NSMF: variants seen among roughly 807,000 people sequenced by gnomAD.
NSMF encodes the protein nasal embryonic LHRH factor.
NSMF carries 31 observed loss-of-function variants against 71.0 expected under a neutral mutation model. That is an observed-to-expected ratio of 0.44 (90% CI 0.33 to 0.59). NSMF has a LOEUF of 0.59. Ranked by LOEUF, NSMF falls within the 20% of genes least tolerant of loss-of-function variation. The pLI, the probability that NSMF is intolerant of heterozygous loss-of-function variation, is 0.04. For synonymous variants in NSMF, 345 were observed against 287.1 expected (o/e 1.20, Z -2.04); for missense variants, 673 against 740.5 (o/e 0.91, Z 1.06).
At chr9:137,457,947 C>T (rs1240070126) in intron 2 of NSMF, 46 bp from the exon 3 acceptor site, 6 of 1,535,584 alleles carry the variant, frequency 3.9e-6, no homozygotes, top group East Asian at 2.4e-5. Context: ...GTGGGCCCCC[C>T]GCTGCCGGTT....
At position 137,453,934 on chromosome 9, in the gene NSMF, G is replaced by T; in HGVS notation, c.833-114C>A. ...GGCAGAGGAGGAAGCTAATGTGGGT[G>T]GGGTCTAAGGCACATGAAGCAGACA... On this transcript the variant is annotated intron_variant, in intron 7 of 15. Transcript: ENST00000371475. This position sits in a 1 kb window ranked among gnomAD's most constrained non-coding sequence, Gnocchi z 4.5. The T allele has an allele frequency of 1.2e-6, 1 of 864,720 alleles. No individual in the cohort carries two copies. Among genetic ancestry groups the T allele is most frequent in the Non-Finnish European group, 1.8e-6 (1 of 545,040 alleles). The allele number at this position is 864,720 out of a possible 1,614,324, so 53.6% of individuals were successfully genotyped here.
intron 3 of NSMF, 34 bp downstream of exon 3, chr9:137,457,373 C>T (rs373881784): frequency 6.2e-7 from 1 of 1,612,686 alleles, no homozygotes; most frequent in African/African-American, 1.3e-5. Flanking sequence ...CATGCACCCC[C>T]AAACCTGTCT....
At chr9:137,455,694 G>A (rs1830798713) in intron 4 of NSMF, 60 bp from the exon 5 acceptor site, 1 of 1,545,174 alleles carries the variant, frequency 6.5e-7, no homozygotes, top group South Asian at 1.2e-5. Context: ...TCAACCCCGG[G>A]CCTCCCCTCA....
In NSMF at chr9:137,457,707, G is replaced by C; in HGVS notation, c.328C>G (p.Leu110Val). The C allele has an allele frequency of 6.4e-7, 1 of 1,553,394 alleles. No individual in the cohort carries two copies. Among genetic ancestry groups the C allele is most frequent in the Non-Finnish European group, 8.7e-7 (1 of 1,148,578 alleles). ...GCCTCCGCCTCAGGGCTGGGCAGCA[G>C]GGCAGGCTCCCCAGAGATGGTGTAC... ...RVYTISGEPALLPSPEAEAIE... is the reference protein window; with the variant it reads ...RVYTISGEPAVLPSPEAEAIE... The change falls in exon 3 of 16, where the codon CTG becomes GTG. Residue 110 changes from leucine to valine, a missense_variant. Physicochemically the swap from Leu to Val is conservative, Grantham distance 32 (BLOSUM62 1). Around this residue, in one of 2 missense-constraint regions of NSMF, gnomAD observed 471 missense variants for 459.6 expected, o/e 1.02. Transcript: ENST00000371475.
rs1839681701 is a variant in NSMF, at chr9:137,447,900, GCA to G, written c.*1492_*1493del. On this transcript the variant is annotated 3_prime_UTR_variant, in exon 16 of 16. Coordinates refer to ENST00000371475, the MANE Select transcript of NSMF (RefSeq NM_001130969.3). Reference sequence around the variant, plus strand: ...CCCATCTGTGGCCACACTGCTGACTGCACACACAGTGTGGCGTGAGGGACATA... The same window carrying G: ...CCCATCTGTGGCCACACTGCTGACTGCACACAGTGTGGCGTGAGGGACATA... The G allele has an allele frequency of 6.6e-6, 1 of 152,188 alleles. No homozygotes were observed. Among genetic ancestry groups the G allele is most frequent in the Non-Finnish European group, 1.5e-5 (1 of 68,064 alleles). 9.4% of individuals were successfully genotyped at this position (152,188 alleles called of 1,614,324 possible). A position where few individuals can be genotyped will look rare whatever the true frequency, so the allele number is the denominator to read the frequency against.
At position 137,455,094 on chromosome 9, in the gene NSMF, C is replaced by G. The variant is rs1277853535; in HGVS notation, c.779+145G>C. 5.6e-6 allele frequency: 5 copies of G among 897,984 alleles called. No homozygotes were observed. The South Asian group carries it at 6.8e-5, about 12-fold the overall frequency. The allele number at this position is 897,984 out of a possible 1,614,324, so 55.6% of individuals were successfully genotyped here. On this transcript the variant is annotated intron_variant, in intron 6 of 15. Coordinates refer to ENST00000371475, the MANE Select transcript of NSMF (RefSeq NM_001130969.3). ...CTGCAGCCCGGGCCACATGGCCTCT[C>G]CTGCCTGCCACGTCCCCAGAGCAGG...
rs765634235 is a variant in NSMF, at chr9:137,455,214, G to C, written c.779+25C>G. The C allele has an allele frequency of 5.0e-6, 8 of 1,611,258 alleles. No homozygotes were observed. In the East Asian group the frequency reaches 1.6e-4, roughly 31 times the overall value. On this transcript the variant is annotated intron_variant, in intron 6 of 15. Transcript: ENST00000371475. ...CAGCACAGACCAGAGATGGACCCTG[G>C]TGGCGAGTGGCTGGCAGGCCCTACC... is the stretch of plus-strand genomic sequence containing the variant.
chr9:137,452,974 T>C, intron 9 of NSMF, 82 bp downstream of exon 9: 1 of 1,596,204 alleles, frequency 6.3e-7, no homozygotes, highest in Non-Finnish European at 8.5e-7. Flanking sequence ...GGCTGCGTGG[T>C]CCCAGGCAGA....
At chr9:137,456,596 C>A (rs564867956) in intron 3 of NSMF, 110 bp from the exon 4 acceptor site, 2 of 734,018 alleles carry the variant, frequency 2.7e-6, no homozygotes, top group Admixed American at 1.8e-5. Flanking sequence ...CAGAAGCTGG[C>A]AGCCAGGGCG....
At chr9:137,458,953 G>T in intron 1 of NSMF, 79 bp downstream of exon 1, 1 of 1,121,374 alleles carries the variant, frequency 8.9e-7, no homozygotes, top group Non-Finnish European at 1.2e-6. Context: ...AGCCCGGGGA[G>T]CACCGCGGGG....
Position 137,453,881 on chromosome 9 carries a change from C to G in NSMF, c.833-61G>C, listed in dbSNP as rs1050539611. 2 of 1,435,304 alleles carry G rather than the reference C, an allele frequency of 1.4e-6. No individual in the cohort carries two copies. The highest frequency in any genetic ancestry group is 2.8e-5 in the African/African-American group (2 of 70,870). The allele number at this position is 1,435,304 out of a possible 1,614,324, so 88.9% of individuals were successfully genotyped here. On this transcript the variant is annotated intron_variant, in intron 7 of 15. Transcript: ENST00000371475. This position sits in a 1 kb window ranked among gnomAD's most constrained non-coding sequence, Gnocchi z 4.5. ...GGGCGGGGCCTCGGGAGTCTCAGACCCCAGGCGAGGGGACCACAGGGGCCC... is the reference window on the plus strand; with the variant it reads ...GGGCGGGGCCTCGGGAGTCTCAGACGCCAGGCGAGGGGACCACAGGGGCCC...
At chr9:137,451,071 T>G (rs1335631768) in intron 12 of NSMF, among the ~76,000 whole-genome samples, 2 of 12,492 alleles carry the variant, frequency 1.6e-4, no homozygotes, top group East Asian at 3.2e-3. Context: ...GATCTCCCCC[T>G]CCACACGCCT....
At chr9:137,455,689 C>A (rs1385207702) in intron 4 of NSMF, 55 bp from the exon 5 acceptor site, 44 of 1,546,916 alleles carry the variant, frequency 2.8e-5, no homozygotes, top group Non-Finnish European at 3.5e-5. Context: ...TGAGCTCAAC[C>A]CCGGGCCTCC....
Position 137,453,642 on chromosome 9 carries a change from C to T in NSMF, c.922+89G>A. On this transcript the variant is annotated intron_variant, in intron 8 of 15. Transcript: ENST00000371475. The surrounding 1 kb of genome is among the most constrained non-coding windows in gnomAD (Gnocchi z 4.5). ...AGATTCAGGAGTGCAAAAGCGCAGCCCAGCGGCCCTGGCAGGGGACCCCCA... is the reference window on the plus strand; with the variant it reads ...AGATTCAGGAGTGCAAAAGCGCAGCTCAGCGGCCCTGGCAGGGGACCCCCA... 2 of 1,003,748 alleles carry T rather than the reference C, an allele frequency of 2.0e-6. No homozygotes were observed. Among genetic ancestry groups the T allele is most frequent in the Middle Eastern group, 3.0e-4 (1 of 3,354 alleles). 62.2% of individuals were successfully genotyped at this position (1,003,748 alleles called of 1,614,324 possible).
Position 137,452,542 on chromosome 9 carries a change from G to A in NSMF, c.1165+11C>T, listed in dbSNP as rs369713157. 202 of 1,612,506 alleles carry A rather than the reference G, an allele frequency of 1.3e-4. No homozygotes were observed. The highest frequency in any genetic ancestry group is 1.6e-4 in the Non-Finnish European group (188 of 1,179,950). On this transcript the variant is annotated intron_variant, in intron 11 of 15. Transcript: ENST00000371475. ...TGGAACCAGCAGAGAGAAGGCCAAT[G>A]AGGCACATACCAAGGATGTCCTCGA...
chr9:137,449,590 G>A lies in NSMF; in HGVS notation c.1495+9C>T, dbSNP rs752691037. 4 of 1,612,162 alleles carry A rather than the reference G, an allele frequency of 2.5e-6. No individual in the cohort carries two copies. Among genetic ancestry groups the A allele is most frequent in the Non-Finnish European group, 2.5e-6 (3 of 1,179,566 alleles). ...GCTGCAGAGCTTCGGCCCAGCCTGG[G>A]TAACTCACCTTGGGCTGAGAGCTCC... On this transcript the variant is annotated intron_variant, in intron 15 of 15. Coordinates refer to ENST00000371475, the MANE Select transcript of NSMF (RefSeq NM_001130969.3).
rs371089577 is a variant in NSMF at position 137,452,702 on chromosome 9, C to T, written c.1131+34G>A. On this transcript the variant is annotated intron_variant, in intron 10 of 15. Transcript: ENST00000371475. ...GGCCCAGGGTGGGGCCGCAAGAGGG[C>T]ATCTGTTGGGGGCAGGCCCGGGGCG... The T allele has an allele frequency of 2.5e-6, 4 of 1,602,176 alleles. No homozygotes were observed. In the East Asian group the frequency reaches 6.7e-5, roughly 27 times the overall value.
In NSMF at chr9:137,457,876, A is replaced by G; in HGVS notation, c.159T>C (p.Ser53=). 6.5e-7 allele frequency: 1 copy of G among 1,547,518 alleles called. No homozygotes were observed. Among genetic ancestry groups the G allele is most frequent in the Non-Finnish European group, 8.7e-7 (1 of 1,149,080 alleles). ...GCATCTCGGGGGACCCGTCGTGGCCAGAGTAGGCATCAGCCAGCAGGTGAT... is the reference window on the plus strand; with the variant it reads ...GCATCTCGGGGGACCCGTCGTGGCCGGAGTAGGCATCAGCCAGCAGGTGAT... ...GADHLLADAY[S]GHDGSPEMQP... The change falls in exon 3 of 16, where the codon TCT becomes TCC. Residue 53 remains serine (S), a synonymous_variant. Transcript: ENST00000371475.
In NSMF at chr9:137,455,293, T is replaced by C; in HGVS notation, c.725A>G (p.Tyr242Cys). ...TMQAISVFRG[Y>C]AERKRRKREN... ...CCGTTTCCGGCGCTTCCTCTCCGCG[T>C]AGCCCCTGAACACCCTGGGAAACCA... Residue 242 changes from tyrosine (Y) to cysteine (C), a missense_variant, in exon 6 of 16, where the codon TAC becomes TGC. By Grantham distance (194) the Tyr-to-Cys change is radical. Coordinates refer to ENST00000371475, the MANE Select transcript of NSMF (RefSeq NM_001130969.3). The C allele has an allele frequency of 6.2e-7, 1 of 1,612,742 alleles. No individual in the cohort carries two copies. The highest frequency in any genetic ancestry group is 8.5e-7 in the Non-Finnish European group (1 of 1,179,918).
Sources: allele counts gnomAD v4.1 joint callset (sites outside exome capture counted in the v4.1 genomes callset), GRCh38; gene constraint gnomAD v4.1.1; regional missense constraint gnomAD v4.1.1; non-coding constraint Gnocchi (gnomAD v3.1); transcripts MANE v1.5; gene names NCBI Gene and HGNC (gene_info 2026-07-23, HGNC 2026-07-21).